Variants in MOB1A observed in about 807,000 individuals in gnomAD.
MOB1A encodes MOB1 Mps One Binder homolog A.
MOB1A carries 10 observed loss-of-function variants against 25.1 expected under a neutral mutation model. The ratio of observed to expected loss-of-function variants is 0.40; its 90% CI spans 0.25 to 0.68. The LOEUF is 0.68. Ranked by LOEUF, MOB1A falls within the 30% of genes least tolerant of loss-of-function variation. The pLI is 0.40. For synonymous variants in MOB1A, 81 were observed against 79.5 expected (o/e 1.02, Z -0.10); for missense variants, 177 against 256.3 (o/e 0.69, Z 2.11).
At chr2:74,174,621 T>C (rs1006579161) in intron 1 of MOB1A, among the ~76,000 whole-genome samples, 2 of 152,244 alleles carry the variant, frequency 1.3e-5, no homozygotes, top group South Asian at 4.1e-4. Flanking sequence ...TTTATTCCTA[T>C]CTCACACCAT....
intron 1 of MOB1A, among the ~76,000 whole-genome samples, chr2:74,174,021 C>T (rs1022565347): frequency 1.3e-5 from 2 of 149,132 alleles, no homozygotes; most frequent in Non-Finnish European, 3.0e-5. Flanking sequence ...GTAATCCCAG[C>T]ACTTTGGGAG....
At chr2:74,178,407 G>A (rs1302377544) in intron 1 of MOB1A, 1 of 330,488 alleles carries the variant, frequency 3.0e-6, no homozygotes, top group East Asian at 4.4e-5. Flanking sequence ...GGGCGGAAAA[G>A]TTTGGAGGCG....
chr2:74,162,858 T>A (rs1000469696), intron 4 of MOB1A, among the ~76,000 whole-genome samples: 2 of 152,124 alleles, frequency 1.3e-5, no homozygotes, highest in Non-Finnish European at 1.5e-5. Flanking sequence ...AAACTCTTAA[T>A]CAAAATATTA....
At chr2:74,171,092 C>A (rs954442149) in intron 2 of MOB1A, among the ~76,000 whole-genome samples, 29 of 151,780 alleles carry the variant, frequency 1.9e-4, no homozygotes, top group African/African-American at 7.0e-4. Context: ...CCAGCCTGGC[C>A]AACATGGCAA....
At chr2:74,176,083 T>TACACAC (rs58496712) in intron 1 of MOB1A, among the ~76,000 whole-genome samples, 7,805 of 129,166 alleles carry the variant, frequency 0.06, 269 homozygotes, top group Non-Finnish European at 0.069. Flanking sequence ...CCGCCTCTAC[T>TACACAC]ACACACACAC....
intron 2 of MOB1A, among the ~76,000 whole-genome samples, chr2:74,170,931 T>G (rs1293852372): frequency 6.6e-6 from 1 of 151,722 alleles, no homozygotes; most frequent in Non-Finnish European, 1.5e-5. Flanking sequence ...CACACAGGCC[T>G]CTTTGGATCC....
intron 2 of MOB1A, among the ~76,000 whole-genome samples, chr2:74,171,476 C>T (rs1263466204): frequency 6.6e-6 from 1 of 151,946 alleles, no homozygotes; most frequent in African/African-American, 2.4e-5. Flanking sequence ...CTGGGATTTG[C>T]TTAAAATAAT....
Position 74,156,119 on chromosome 2 carries a change from G to T in MOB1A, c.*449C>A, listed in dbSNP as rs2103683635. On this transcript the variant is annotated 3_prime_UTR_variant, in exon 6 of 6. Transcript: ENST00000396049. ...TACATTTTTTATTCGTAAAATAAAA[G>T]AATAAAACCAATCTGATTGTGTTAT... The T allele has an allele frequency of 6.5e-6, 1 of 153,542 alleles. No homozygotes were observed. Among genetic ancestry groups the T allele is most frequent in the South Asian group, 2.0e-4 (1 of 4,880 alleles). The allele number at this position is 153,542 out of a possible 1,614,324, so 9.5% of individuals were successfully genotyped here. A position where few individuals can be genotyped will look rare whatever the true frequency, so the allele number is the denominator to read the frequency against.
intron 1 of MOB1A, among the ~76,000 whole-genome samples, chr2:74,173,376 G>GTTTTTTTT (rs35382378): frequency 1.4e-4 from 13 of 93,334 alleles, no homozygotes; most frequent in Middle Eastern, 7.1e-3. Flanking sequence ...CTCAATTTCG[G>GTTTTTTTT]TTTTTTTTTT....
chr2:74,173,202 CT>C (rs769234686), intron 1 of MOB1A: 11 of 517,960 alleles, frequency 2.1e-5, no homozygotes, highest in African/African-American at 5.8e-5. Flanking sequence ...TACAAGAATG[CT>C]TTTTTTCCCC....
chr2:74,177,276 C>A (rs934714037), intron 1 of MOB1A, among the ~76,000 whole-genome samples: 1 of 151,712 alleles, frequency 6.6e-6, no homozygotes, highest in Non-Finnish European at 1.5e-5. Context: ...CCGTGCCATC[C>A]CCGGAGGCAG....
In MOB1A at chr2:74,159,178, A is replaced by T; in HGVS notation, c.486T>A (p.Ile162=). Residue 162 remains isoleucine (I), a synonymous_variant, in exon 5 of 6, where the codon ATT becomes ATA. Transcript: ENST00000396049. ...TCACAGAATCAAAGTGCTGGTGATAAATATGGGCATAAACCCTGAACAGAC... is the reference window on the plus strand; with the variant it reads ...TCACAGAATCAAAGTGCTGGTGATATATATGGGCATAAACCCTGAACAGAC... ...LKRLFRVYAH[I]YHQHFDSVMQ... The T allele has an allele frequency of 2.5e-6, 4 of 1,614,016 alleles. No individual in the cohort carries two copies. The highest frequency in any genetic ancestry group is 3.4e-6 in the Non-Finnish European group (4 of 1,179,866).
chr2:74,155,140 T>TA lies in MOB1A; in HGVS notation c.*1427dup, dbSNP rs749155869. 11 of 152,428 alleles carry TA rather than the reference T, an allele frequency of 7.2e-5. No homozygotes were observed. Among genetic ancestry groups the TA allele is most frequent in the Non-Finnish European group, 1.3e-4 (9 of 68,032 alleles). The allele number at this position is 152,428 out of a possible 1,614,324, so 9.4% of individuals were successfully genotyped here. ...GAACCACATAGAATGCTGATGAACTTAAAGCTTTGCCAGTTTGGCAAGTCT... is the reference window on the plus strand; with the variant it reads ...GAACCACATAGAATGCTGATGAACTTAAAAGCTTTGCCAGTTTGGCAAGTCT... On this transcript the variant is annotated 3_prime_UTR_variant, in exon 6 of 6. Coordinates refer to ENST00000396049, the MANE Select transcript of MOB1A (RefSeq NM_018221.5).
chr2:74,157,633 G>C (rs1207471826), intron 5 of MOB1A, among the ~76,000 whole-genome samples: 2 of 152,136 alleles, frequency 1.3e-5, no homozygotes, highest in Non-Finnish European at 2.9e-5. Context: ...TATCAAAATT[G>C]AATCAAATTA....
intron 3 of MOB1A, among the ~76,000 whole-genome samples, chr2:74,166,361 T>C (rs1693128238): frequency 6.6e-6 from 1 of 152,130 alleles, no homozygotes. Context: ...AGAAATTCAT[T>C]TAAAAACTAG....
intron 2 of MOB1A, among the ~76,000 whole-genome samples, chr2:74,171,279 C>G (rs945971741): frequency 1.3e-5 from 2 of 151,072 alleles, no homozygotes; most frequent in African/African-American, 2.4e-5. Context: ...CAGAGCAAGA[C>G]TCCATCTCAA....
At chr2:74,171,978 A>G (rs946421949) in intron 2 of MOB1A, among the ~76,000 whole-genome samples, 6 of 152,176 alleles carry the variant, frequency 3.9e-5, no homozygotes, top group Non-Finnish European at 7.3e-5. Context: ...GAACATCTGA[A>G]ATCTCTAATT....
chr2:74,171,070 A>C (rs1451737016), intron 2 of MOB1A, among the ~76,000 whole-genome samples: 2 of 152,060 alleles, frequency 1.3e-5, no homozygotes, highest in Admixed American at 6.6e-5. Context: ...ACTTGAGGTC[A>C]GGAGTTCGAG....
At chr2:74,168,440 G>A (rs1476339317) in intron 2 of MOB1A, among the ~76,000 whole-genome samples, 4 of 152,166 alleles carry the variant, frequency 2.6e-5, no homozygotes, top group African/African-American at 9.7e-5. Flanking sequence ...CAGGATTTGA[G>A]ACCAGTCTGG....
Sources: gnomAD v4.1 joint callset for allele counts (sites outside exome capture counted in the v4.1 genomes callset) on GRCh38, gnomAD v4.1.1 for gene constraint, MANE v1.5 for transcripts, NCBI Gene and HGNC (gene_info 2026-07-23, HGNC 2026-07-21) for gene names.